Variants in PHC3 observed in about 807,000 individuals in gnomAD.
PHC3 encodes polyhomeotic homolog 3.
Under a neutral mutation model 107.4 loss-of-function variants are expected in PHC3, and 13 were observed. The observed-to-expected ratio is 0.12, with a 90% confidence interval of 0.08 to 0.19. PHC3 has a LOEUF of 0.19. Ranked by LOEUF, PHC3 falls within the 10% of genes least tolerant of loss-of-function variation. The pLI is 1.00. For missense variants in PHC3, 992 were observed against 1,210.9 expected (o/e 0.82, Z 2.68); for synonymous variants, 456 against 427.4 (o/e 1.07, Z -0.83).
At chr3:170,145,632 T>C (rs1724811569) in intron 5 of PHC3, 111 bp from the exon 6 acceptor site, 1 of 599,606 alleles carries the variant, frequency 1.7e-6, no homozygotes, top group African/African-American at 1.8e-5. Context: ...CAATGCAGTT[T>C]AGGATTATCT....
rs979943674 is a variant in PHC3, at chr3:170,149,430, G to A, written c.415-186C>T. On this transcript the variant is annotated intron_variant, in intron 4 of 14. Coordinates refer to ENST00000495893, the MANE Select transcript of PHC3 (RefSeq NM_024947.4). Reference sequence around the variant, plus strand: ...AGTTATTTGCACATATGCAAACAATGGCATGGATTGGTTAGTAATCAGGGC... The same window carrying A: ...AGTTATTTGCACATATGCAAACAATAGCATGGATTGGTTAGTAATCAGGGC... 1.5e-4 allele frequency among the ~76,000 whole-genome samples: 23 copies of A among 152,100 alleles called. No homozygotes were observed. In the Middle Eastern group the frequency reaches 0.01, roughly 67 times the overall value.
intron 4 of PHC3, among the ~76,000 whole-genome samples, chr3:170,159,417 A>G (rs1727486353): frequency 6.6e-6 from 1 of 152,148 alleles, no homozygotes; most frequent in Non-Finnish European, 1.5e-5. Flanking sequence ...TTTAAAAGTC[A>G]AAGAAAGGGC....
At chr3:170,132,417 C>A (rs1015087864) in intron 7 of PHC3, among the ~76,000 whole-genome samples, 4 of 152,170 alleles carry the variant, frequency 2.6e-5, no homozygotes, top group Non-Finnish European at 4.4e-5. Flanking sequence ...ATGTTTGTGG[C>A]ACAAAATTCG....
intron 12 of PHC3, 57 bp downstream of exon 12, chr3:170,106,775 G>T: frequency 3.2e-6 from 4 of 1,232,896 alleles, no homozygotes; most frequent in South Asian, 3.0e-5. Context: ...GGGTTTTTTG[G>T]TTTAGTTGCA....
intron 8 of PHC3, among the ~76,000 whole-genome samples, chr3:170,126,528 ATTT>A (rs1553788612): frequency 7.4e-4 from 67 of 90,618 alleles, no homozygotes; most frequent in African/African-American, 2.6e-3. Context: ...ATATATATAT[ATTT>A]TTTTTTTTTT....
At chr3:170,101,272 T>G (rs367586983) in intron 14 of PHC3, among the ~76,000 whole-genome samples, 5 of 152,206 alleles carry the variant, frequency 3.3e-5, no homozygotes, top group South Asian at 2.1e-4. Context: ...AAACTTAGCA[T>G]TTCTAAAACA....
chr3:170,146,953 G>A (rs986834729), intron 5 of PHC3, among the ~76,000 whole-genome samples: 2 of 138,606 alleles, frequency 1.4e-5, no homozygotes, highest in Non-Finnish European at 1.5e-5. Context: ...CGCGATGTCC[G>A]CTCACCACAA....
intron 11 of PHC3, among the ~76,000 whole-genome samples, chr3:170,107,409 T>C (rs957559923): frequency 6.6e-6 from 1 of 152,100 alleles, no homozygotes; most frequent in African/African-American, 2.4e-5. Flanking sequence ...AATGGTGAAA[T>C]TGTGATATGT....
intron 4 of PHC3, among the ~76,000 whole-genome samples, chr3:170,155,253 CTAAA>C (rs1467638501): frequency 2.2e-4 from 33 of 152,122 alleles, no homozygotes; most frequent in African/African-American, 8.0e-4. Context: ...CAGGTATACC[CTAAA>C]TAGAGAAACA....
At chr3:170,138,466 C>T (rs1218445018) in intron 6 of PHC3, among the ~76,000 whole-genome samples, 2 of 151,900 alleles carry the variant, frequency 1.3e-5, no homozygotes, top group Non-Finnish European at 2.9e-5. Flanking sequence ...CTGAGGCAGG[C>T]GGATCACAAG....
chr3:170,138,278 T>C (rs907350205), intron 6 of PHC3, among the ~76,000 whole-genome samples: 7 of 152,224 alleles, frequency 4.6e-5, no homozygotes, highest in African/African-American at 1.7e-4. Context: ...TCTAAGCTAC[T>C]CAAAGAATTT....
At chr3:170,119,281 G>A (rs1324708669) in intron 9 of PHC3, among the ~76,000 whole-genome samples, 1 of 152,036 alleles carries the variant, frequency 6.6e-6, no homozygotes, top group Admixed American at 6.6e-5. Flanking sequence ...ATAAATCTAT[G>A]GAGAACTGAA....
chr3:170,181,066 C>T (rs1245091296), intron 1 of PHC3, among the ~76,000 whole-genome samples: 3 of 152,204 alleles, frequency 2.0e-5, no homozygotes, highest in Admixed American at 6.5e-5. Context: ...GAATGTGGCC[C>T]GCGTGTGAGG....
chr3:170,128,665 A>G lies in PHC3; in HGVS notation c.1788+19T>C. 1 of 1,595,750 alleles carries G rather than the reference A, an allele frequency of 6.3e-7. No homozygotes were observed. The highest frequency in any genetic ancestry group is 8.5e-7 in the Non-Finnish European group (1 of 1,171,976). On this transcript the variant is annotated intron_variant, in intron 8 of 14. Transcript: ENST00000495893. ...ACTTTCAGTTCAGCAAGAAAGTCAA[A>G]GAGCTTCCAAGGGCTTACCACTGGT... is the stretch of plus-strand genomic sequence containing the variant.
chr3:170,137,822 C>A (rs1329578167), intron 6 of PHC3, among the ~76,000 whole-genome samples: 1 of 152,104 alleles, frequency 6.6e-6, no homozygotes, highest in Non-Finnish European at 1.5e-5. Flanking sequence ...TCACTTGAAC[C>A]CAGGAGGCAA....
intron 10 of PHC3, among the ~76,000 whole-genome samples, chr3:170,115,986 G>A (rs1718890099): frequency 6.6e-6 from 1 of 151,880 alleles, no homozygotes; most frequent in Non-Finnish European, 1.5e-5. Context: ...AAATCCAGAT[G>A]ACTCAAAAGG....
chr3:170,126,930 GT>G (rs1185042699), intron 8 of PHC3, among the ~76,000 whole-genome samples: 1 of 148,114 alleles, frequency 6.8e-6, no homozygotes, highest in Non-Finnish European at 1.5e-5. Context: ...GTTTTTTTTT[GT>G]TTGTTTTTAT....
At chr3:170,159,844 T>C (rs1727588669) in intron 4 of PHC3, among the ~76,000 whole-genome samples, 1 of 152,160 alleles carries the variant, frequency 6.6e-6, no homozygotes, top group South Asian at 2.1e-4. Flanking sequence ...TCAGCAATAC[T>C]AAAATTTTGA....
chr3:170,161,838 G>A (rs1017088750), intron 4 of PHC3, among the ~76,000 whole-genome samples: 3 of 152,068 alleles, frequency 2.0e-5, no homozygotes, highest in African/African-American at 4.8e-5. Context: ...TCTCTTCTTC[G>A]AATCAGTTCT....
Sources: allele counts gnomAD v4.1 joint callset (sites outside exome capture counted in the v4.1 genomes callset), GRCh38; gene constraint gnomAD v4.1.1; transcripts MANE v1.5; gene names NCBI Gene and HGNC (gene_info 2026-07-23, HGNC 2026-07-21).